The following TRIP12 variants were observed in gnomAD, a reference collection of about 807,000 sequenced individuals.
TRIP12 encodes the protein E3 ubiquitin-protein ligase TRIP12.
TRIP12 carries 25 observed loss-of-function variants against 244.2 expected under a neutral mutation model. The observed-to-expected ratio is 0.10, with a 90% CI of 0.07 to 0.14. The LOEUF (loss-of-function observed/expected upper bound fraction) is 0.14, where lower values mean the gene tolerates loss of function less well. Among genes scored for constraint, TRIP12 ranks in the 10% least tolerant of loss-of-function variants. TRIP12 has a pLI of 1.00. For synonymous variants in TRIP12, 905 were observed against 873.1 expected, an observed-to-expected ratio of 1.04 and a Z score of -0.64; for missense variants, 1,677 against 2,486.4, an observed-to-expected ratio of 0.67 and a Z score of 6.92.
intron 29 of TRIP12, 135 bp from the exon 30 acceptor site, chr2:229,791,386 CTG>C (rs2154259395): frequency 9.4e-7 from 1 of 1,058,482 alleles, no homozygotes; most frequent in Middle Eastern, 2.8e-4. Flanking sequence ...TAGTGTGAAT[CTG>C]GAGAACTTCT....
At position 229,921,874 on chromosome 2, in the gene TRIP12, A is replaced by G. The variant is rs1577299252; in HGVS notation, c.-50+6T>C. 1.2e-5 allele frequency: 1 copy of G among 86,294 alleles called. No individual in the cohort carries two copies. Among genetic ancestry groups the G allele is most frequent in the Non-Finnish European group, 2.2e-5 (1 of 45,192 alleles). The allele number at this position is 86,294 out of a possible 1,614,324, so 5.3% of individuals were successfully genotyped here. ...CCCCCGCCGCCCAGAGCTGCGCCCC[A>G]ATTACCTAGTTAGGCCCCAAAGTCT... On this transcript the variant is annotated splice_donor_region_variant and intron_variant, in intron 1 of 41. Transcript: ENST00000675903.
chr2:229,768,205 T>C (rs1412606726), intron 41 of TRIP12, among the ~76,000 whole-genome samples: 2 of 152,152 alleles, frequency 1.3e-5, no homozygotes, highest in African/African-American at 2.4e-5. Flanking sequence ...GAGGTTGCAG[T>C]GAGCCAAGAT....
At chr2:229,884,313 T>C (rs2154356961) in intron 1 of TRIP12, among the ~76,000 whole-genome samples, 1 of 146,542 alleles carries the variant, frequency 6.8e-6, no homozygotes, top group East Asian at 2.1e-4. Context: ...CTCGGCTCAC[T>C]GTAACCTCCA....
chr2:229,822,247 C>G (rs1195633518), intron 8 of TRIP12, among the ~76,000 whole-genome samples: 1 of 150,298 alleles, frequency 6.7e-6, no homozygotes, highest in African/African-American at 2.5e-5. Flanking sequence ...AAGCCAACAT[C>G]TCAACAGAGA....
intron 6 of TRIP12, among the ~76,000 whole-genome samples, chr2:229,835,155 A>G (rs1466278563): frequency 6.6e-6 from 1 of 152,220 alleles, no homozygotes; most frequent in African/African-American, 2.4e-5. Context: ...AGAAATTCCT[A>G]TAATTCATAA....
chr2:229,909,782 C>T (rs935525052), intron 1 of TRIP12, among the ~76,000 whole-genome samples: 2 of 151,986 alleles, frequency 1.3e-5, no homozygotes, highest in African/African-American at 4.8e-5. Context: ...GATCCAAGGG[C>T]TTTCAAGGCT....
At chr2:229,899,067 G>C (rs2069805275) in intron 1 of TRIP12, among the ~76,000 whole-genome samples, 2 of 152,130 alleles carry the variant, frequency 1.3e-5, no homozygotes, top group African/African-American at 4.8e-5. Context: ...TGAAGTAAAA[G>C]AGAAAAACAT....
intron 2 of TRIP12, among the ~76,000 whole-genome samples, chr2:229,863,922 T>C (rs1319998014): frequency 6.6e-6 from 1 of 151,832 alleles, no homozygotes; most frequent in Non-Finnish European, 1.5e-5. Context: ...TGTAGAACAG[T>C]ATAGTAAAAT....
chr2:229,849,484 T>C (rs920075345), intron 4 of TRIP12, among the ~76,000 whole-genome samples: 1 of 151,816 alleles, frequency 6.6e-6, no homozygotes, highest in Non-Finnish European at 1.5e-5. Context: ...AAGGGACATA[T>C]AAAAGCACAT....
chr2:229,870,541 T>C (rs1427611618), intron 2 of TRIP12, among the ~76,000 whole-genome samples: 1 of 152,184 alleles, frequency 6.6e-6, no homozygotes, highest in Non-Finnish European at 1.5e-5. Flanking sequence ...ATAAACTACA[T>C]TGATGTGGAA....
intron 4 of TRIP12, among the ~76,000 whole-genome samples, chr2:229,847,402 T>C (rs1374211271): frequency 6.6e-6 from 1 of 152,222 alleles, no homozygotes; most frequent in Non-Finnish European, 1.5e-5. Flanking sequence ...CTTTTGCATA[T>C]GCCTAGCGAA....
intron 1 of TRIP12, among the ~76,000 whole-genome samples, chr2:229,886,229 C>A (rs1027347083): frequency 6.6e-6 from 1 of 152,096 alleles, no homozygotes; most frequent in Non-Finnish European, 1.5e-5. Flanking sequence ...ATAGCTGTAT[C>A]TGATATAGAA....
chr2:229,922,752 C>A, upstream of TRIP12: 2 of 802,844 alleles, frequency 2.5e-6, no homozygotes, highest in Non-Finnish European at 3.9e-6. Flanking sequence ...AGATTTTCCT[C>A]GTCACCTCGG....
At chr2:229,826,533 T>G (rs2051650854) in intron 8 of TRIP12, among the ~76,000 whole-genome samples, 1 of 152,206 alleles carries the variant, frequency 6.6e-6, no homozygotes, top group Non-Finnish European at 1.5e-5. Flanking sequence ...TGATGAAATT[T>G]TATAGATTAA....
intron 8 of TRIP12, among the ~76,000 whole-genome samples, chr2:229,819,365 C>A (rs76972981): frequency 6.6e-6 from 1 of 151,974 alleles, no homozygotes; most frequent in Non-Finnish European, 1.5e-5. Context: ...GCCAACATGG[C>A]GAAACCGCAT....
At chr2:229,842,072 T>C (rs1319556053) in intron 4 of TRIP12, among the ~76,000 whole-genome samples, 1 of 152,228 alleles carries the variant, frequency 6.6e-6, no homozygotes, top group Non-Finnish European at 1.5e-5. Flanking sequence ...TAAAAATCTA[T>C]GTTTAGACAG....
chr2:229,907,963 T>C (rs2073293486), intron 1 of TRIP12, among the ~76,000 whole-genome samples: 1 of 151,348 alleles, frequency 6.6e-6, no homozygotes, highest in South Asian at 2.1e-4. Context: ...ATGGGAGAAC[T>C]AGTGTCAAAA....
intron 1 of TRIP12, chr2:229,921,644 T>A (rs1179496822): frequency 6.6e-6 from 1 of 151,474 alleles, no homozygotes; most frequent in African/African-American, 2.4e-5. Flanking sequence ...CAGGCCCCGG[T>A]CCCTCCGGCC....
intron 29 of TRIP12, 79 bp downstream of exon 29, chr2:229,791,787 T>C: frequency 1.4e-6 from 2 of 1,473,566 alleles, no homozygotes; most frequent in Non-Finnish European, 1.9e-6. Flanking sequence ...AAGCCAGCCA[T>C]TAAGTTAATG....
Sources: allele counts gnomAD v4.1 joint callset (sites outside exome capture counted in the v4.1 genomes callset), GRCh38; gene constraint gnomAD v4.1.1; transcripts MANE v1.5; gene names NCBI Gene and HGNC (gene_info 2026-07-23, HGNC 2026-07-21).